The following CHMP3 variants were observed in gnomAD, a reference collection of about 807,000 sequenced individuals.
CHMP3 encodes the protein charged multivesicular body protein 3.
In CHMP3, 8 loss-of-function variants were observed where a neutral mutation model predicts 27.4. That is an observed-to-expected ratio of 0.29 (90% confidence interval 0.17 to 0.53). The LOEUF is 0.53. CHMP3 is among the 20% of genes least tolerant of loss of function. CHMP3 has a pLI of 0.96. For missense variants in CHMP3, 208 were observed against 271.5 expected, an observed-to-expected ratio of 0.77 and a Z score of 1.64; for synonymous variants, 86 against 85.5, an observed-to-expected ratio of 1.01 and a Z score of -0.03.
intron 3 of CHMP3, among the ~76,000 whole-genome samples, chr2:86,512,793 G>A (rs548297686): frequency 2.2e-4 from 33 of 152,346 alleles, no homozygotes; most frequent in African/African-American, 7.0e-4. Context: ...AACATCTTAT[G>A]TCATTTGGGG....
chr2:86,561,011 C>T (rs1303021027), intron 1 of CHMP3, among the ~76,000 whole-genome samples: 5 of 152,204 alleles, frequency 3.3e-5, no homozygotes, highest in Non-Finnish European at 7.3e-5. Flanking sequence ...CCACCTCCAA[C>T]ACTGGGGATG....
intron 3 of CHMP3, among the ~76,000 whole-genome samples, chr2:86,515,918 G>A (rs1675283160): frequency 6.6e-6 from 1 of 151,990 alleles, no homozygotes; most frequent in African/African-American, 2.4e-5. Flanking sequence ...AATACTTTGT[G>A]AGGCTGATGT....
chr2:86,542,455 A>G, intron 1 of CHMP3, 143 bp from the exon 2 acceptor site: 3 of 797,246 alleles, frequency 3.8e-6, no homozygotes, highest in Non-Finnish European at 4.0e-6. Flanking sequence ...TTAGGGTCAA[A>G]TTTTACTTTT....
At chr2:86,510,511 C>A in intron 3 of CHMP3, 32 bp from the exon 4 acceptor site, 1 of 1,606,602 alleles carries the variant, frequency 6.2e-7, no homozygotes, top group South Asian at 1.1e-5. Context: ...CAGGATTGTT[C>A]AACAGGATGG....
At chr2:86,550,063 G>A (rs76852132) in intron 1 of CHMP3, among the ~76,000 whole-genome samples, 2,720 of 152,330 alleles carry the variant, frequency 0.018, 120 homozygotes, top group East Asian at 0.13. Flanking sequence ...CTGAGATCAC[G>A]CCACTGCACT....
At chr2:86,515,276 C>A (rs1197307278) in intron 3 of CHMP3, 4 of 151,990 alleles carry the variant, frequency 2.6e-5, no homozygotes, top group African/African-American at 9.7e-5. Context: ...AGTATTGTTC[C>A]AATTTTAGTA....
intron 2 of CHMP3, among the ~76,000 whole-genome samples, chr2:86,536,101 T>G (rs1218470551): frequency 1.4e-5 from 2 of 144,016 alleles, no homozygotes; most frequent in African/African-American, 5.1e-5. Context: ...GTTCACGCCA[T>G]TCTCCTGCCT....
intron 1 of CHMP3, 114 bp from the exon 2 acceptor site, chr2:86,542,426 C>A: frequency 9.3e-7 from 1 of 1,078,932 alleles, no homozygotes; most frequent in South Asian, 1.4e-5. Context: ...TTTAAAAAGC[C>A]ATTTTCAAAG....
At position 86,533,162 on chromosome 2, in the gene CHMP3, T is replaced by C. The variant is rs1179348608; in HGVS notation, c.107-3765A>G. Among the ~76,000 whole-genome samples the C allele has an allele frequency of 2.0e-5, 3 of 152,344 alleles. No individual in the cohort carries two copies. The East Asian group carries it at 5.8e-4, about 29-fold the overall frequency. On this transcript the variant is annotated intron_variant, in intron 2 of 5. Transcript: ENST00000263856. The stretch of plus-strand genomic sequence containing the variant: ...TATGTTTCAATCTTGGTAAGTTTCA[T>C]GTTTCTAGTAATTTGTCCATCACAT...
chr2:86,563,407 A>G lies in CHMP3; in HGVS notation c.-59T>C. On this transcript the variant is annotated 5_prime_UTR_variant, in exon 1 of 6. Coordinates refer to ENST00000263856, the MANE Select transcript of CHMP3 (RefSeq NM_016079.4). ...TCAGTTCCCCGCGCCCAGGCAGGTC[A>G]CGGGCAGCCGCCTGGGCGGGGCCCG... 1.3e-6 allele frequency: 2 copies of G among 1,595,340 alleles called. No individual in the cohort carries two copies. Among genetic ancestry groups the G allele is most frequent in the South Asian group, 2.2e-5 (2 of 89,420 alleles).
At chr2:86,516,249 C>T (rs1009010838) in intron 3 of CHMP3, among the ~76,000 whole-genome samples, 2 of 151,536 alleles carry the variant, frequency 1.3e-5, no homozygotes, top group African/African-American at 4.8e-5. Flanking sequence ...ACAGAACATC[C>T]ACATACTGGT....
At position 86,563,408 on chromosome 2, in the gene CHMP3, C is replaced by G. The variant is rs906804131; in HGVS notation, c.-60G>C. 1.3e-6 allele frequency: 2 copies of G among 1,593,376 alleles called. No homozygotes were observed. The highest frequency in any genetic ancestry group is 2.7e-5 in the African/African-American group (2 of 74,584). ...CAGTTCCCCGCGCCCAGGCAGGTCA[C>G]GGGCAGCCGCCTGGGCGGGGCCCGC... On this transcript the variant is annotated 5_prime_UTR_variant, in exon 1 of 6. Coordinates refer to ENST00000263856, the MANE Select transcript of CHMP3 (RefSeq NM_016079.4).
chr2:86,541,006 T>C (rs932111136), intron 2 of CHMP3: 1 of 152,170 alleles, frequency 6.6e-6, no homozygotes, highest in Non-Finnish European at 1.5e-5. Context: ...ACAGTGTTAA[T>C]CTTTACTTTG....
chr2:86,504,357 G>T lies in CHMP3; in HGVS notation c.*1447C>A, dbSNP rs1674806182. On this transcript the variant is annotated 3_prime_UTR_variant, in exon 6 of 6. Transcript: ENST00000263856. ...AGGCTATGCATGTGTGAGGGCAGGG[G>T]ATATATGAGAAATTTCTTTTTGTCC... 6.6e-6 allele frequency: 1 copy of T among 151,958 alleles called. No homozygotes were observed. The highest frequency in any genetic ancestry group is 6.6e-5 in the Admixed American group (1 of 15,244). The allele number at this position is 151,958 out of a possible 1,614,324, so 9.4% of individuals were successfully genotyped here.
At chr2:86,516,146 C>CAAAAAA (rs35800757) in intron 3 of CHMP3, among the ~76,000 whole-genome samples, 5 of 83,636 alleles carry the variant, frequency 6.0e-5, no homozygotes, top group African/African-American at 6.5e-5. Flanking sequence ...GACTCCATCT[C>CAAAAAA]AAAAAAAAAA....
intron 3 of CHMP3, among the ~76,000 whole-genome samples, chr2:86,523,024 C>T (rs1348170725): frequency 6.6e-6 from 1 of 152,218 alleles, no homozygotes; most frequent in African/African-American, 2.4e-5. Context: ...TTCCTCTTAA[C>T]TCCCATTGCA....
intron 4 of CHMP3, among the ~76,000 whole-genome samples, chr2:86,509,221 A>C (rs1286890915): frequency 6.6e-6 from 1 of 152,200 alleles, no homozygotes. Flanking sequence ...CTGGTGGCTG[A>C]GTTAAAATGA....
At chr2:86,554,676 C>T (rs1677042463) in intron 1 of CHMP3, among the ~76,000 whole-genome samples, 2 of 151,996 alleles carry the variant, frequency 1.3e-5, no homozygotes, top group Non-Finnish European at 2.9e-5. Flanking sequence ...TCCTAAGATC[C>T]AAAAATTTCC....
At chr2:86,529,125 C>G in intron 3 of CHMP3, 93 bp downstream of exon 3, 1 of 1,325,112 alleles carries the variant, frequency 7.5e-7, no homozygotes, top group African/African-American at 1.5e-5. Context: ...AGAATAAAAA[C>G]CAGAGTTGAG....
Sources: allele counts gnomAD v4.1 joint callset (sites outside exome capture counted in the v4.1 genomes callset), GRCh38; gene constraint gnomAD v4.1.1; transcripts MANE v1.5; gene names NCBI Gene and HGNC (gene_info 2026-07-23, HGNC 2026-07-21).